The following BAG5 variants were observed in gnomAD, a reference collection of about 807,000 sequenced individuals.
BAG5 encodes the protein BAG family molecular chaperone regulator 5.
BAG5 carries 25 observed loss-of-function variants against 31.8 expected under a neutral mutation model. The ratio of observed to expected loss-of-function variants is 0.79; its 90% CI spans 0.57 to 1.10. BAG5 has a LOEUF of 1.10. Ranked by LOEUF, BAG5 falls within the 50% of genes least tolerant of loss-of-function variation. The probability of loss-of-function intolerance (pLI) is 0.00; values close to 1 mark genes in which losing one functional copy is unlikely to be tolerated. For missense variants in BAG5, 491 were observed against 527.9 expected, an observed-to-expected ratio of 0.93 and a Z score of 0.68; for synonymous variants, 208 against 205.0, an observed-to-expected ratio of 1.01 and a Z score of -0.13.
intron 1 of BAG5, chr14:103,562,211 C>G (rs1420933942): frequency 1.7e-6 from 1 of 585,728 alleles, no homozygotes; most frequent in East Asian, 2.9e-5. Context: ...CAGCTGCATG[C>G]CTCGCACCCC....
At chr14:103,561,268 T>G in intron 1 of BAG5, 76 bp from the exon 2 acceptor site, 1 of 1,431,460 alleles carries the variant, frequency 7.0e-7, no homozygotes. Context: ...TAAGTCATTC[T>G]AAAATTCTCA....
At chr14:103,562,240 G>C (rs1017227525) in intron 1 of BAG5, 6 of 531,814 alleles carry the variant, frequency 1.1e-5, no homozygotes, top group African/African-American at 3.8e-5. Context: ...AGGTCTGAGC[G>C]GGGCAGCCGG....
chr14:103,561,690 C>T (rs1267229420), intron 1 of BAG5: 5 of 542,838 alleles, frequency 9.2e-6, no homozygotes, highest in African/African-American at 1.9e-5. Context: ...CCTTTGTGCA[C>T]TTCCCCTCCC....
Position 103,560,703 on chromosome 14 carries a change from GGTTAAA to G in BAG5, c.456_461del (p.Leu153_Thr154del). On this transcript the variant is annotated inframe_deletion, in exon 2 of 2. Transcript: ENST00000299204. ...TTATCTCTTGCACCGCACAGATTTTGGTTAAAGTGTGATACCTTGCTTTCCGCAAGG... is the reference window on the plus strand; with the variant it reads ...TTATCTCTTGCACCGCACAGATTTTGGTGTGATACCTTGCTTTCCGCAAGG... 6.2e-7 allele frequency: 1 copy of G among 1,614,076 alleles called. No individual in the cohort carries two copies. The highest frequency in any genetic ancestry group is 8.5e-7 in the Non-Finnish European group (1 of 1,180,026).
intron 1 of BAG5, chr14:103,562,124 G>C: frequency 2.8e-6 from 2 of 715,532 alleles, no homozygotes; most frequent in Non-Finnish European, 5.0e-6. Context: ...AATTGGATGC[G>C]GTCTTGGCGT....
At position 103,560,499 on chromosome 14, in the gene BAG5, C is replaced by G. The variant is rs1044569278; in HGVS notation, c.666G>C (p.Gly222=). 2.0e-5 allele frequency: 33 copies of G among 1,614,106 alleles called. No individual in the cohort carries two copies. The highest frequency in any genetic ancestry group is 2.7e-5 in the Non-Finnish European group (32 of 1,180,032). ...CTAGAGCATCCAGGTCAGCGATCAG[C>G]CCCGAGAGCACACAGGATAAGTGCC... ...TCRHLSCVLS[G]LIADLDALDV... Residue 222 remains glycine, a synonymous_variant, in exon 2 of 2, where the codon GGG becomes GGC. Transcript: ENST00000299204.
At chr14:103,561,215 A>T (rs749052594) in intron 1 of BAG5, 23 bp from the exon 2 acceptor site, 7 of 1,565,826 alleles carry the variant, frequency 4.5e-6, no homozygotes, top group Non-Finnish European at 6.0e-6. Flanking sequence ...AAGAATGATA[A>T]CTTACTACAG....
chr14:103,556,795 CAAAA>C lies in BAG5; in HGVS notation c.*3022_*3025del, dbSNP rs201306760. ...AAATTAAAAGGTGAAAAGCTGTGCT[CAAAA>C]AAAAAATAAAAAAACCCAAAACCTT... On this transcript the variant is annotated 3_prime_UTR_variant, in exon 2 of 2. Coordinates refer to ENST00000299204, the MANE Select transcript of BAG5 (RefSeq NM_001015048.3). The C allele has an allele frequency of 6.8e-6, 1 of 146,686 alleles. No individual in the cohort carries two copies. The highest frequency in any genetic ancestry group is 2.5e-5 in the African/African-American group (1 of 40,006). The allele number at this position is 146,686 out of a possible 1,614,324, so 9.1% of individuals were successfully genotyped here. A position where few individuals can be genotyped will look rare whatever the true frequency, so the allele number is the denominator to read the frequency against.
At chr14:103,561,930 C>A in intron 1 of BAG5, 1 of 1,612,886 alleles carries the variant, frequency 6.2e-7, no homozygotes, top group Non-Finnish European at 8.5e-7. Context: ...TGGGAGTCCA[C>A]AATGGCCTAA....
rs555250067 is a variant in BAG5 at position 103,562,594 on chromosome 14, C to G, written c.-29+22G>C. The G allele has an allele frequency of 5.7e-3, 973 of 169,934 alleles. 10 individuals are homozygous for G. Among genetic ancestry groups the G allele is most frequent in the African/African-American group, 0.022 (932 of 42,324 alleles). 10.5% of individuals were successfully genotyped at this position (169,934 alleles called of 1,614,324 possible). The stretch of plus-strand genomic sequence containing the variant: ...TCGTCCCCCCGAGAGAGGGAAAAGG[C>G]TACAAGCCGCGCTTCGCTCACCTGT... On this transcript the variant is annotated intron_variant, in intron 1 of 1. Transcript: ENST00000299204.
chr14:103,561,991 A>T, intron 1 of BAG5: 1 of 1,613,530 alleles, frequency 6.2e-7, no homozygotes, highest in Non-Finnish European at 8.5e-7. Context: ...CAAGGTGGGT[A>T]ACCAATGGAA....
At chr14:103,561,859 C>CAAAA in intron 1 of BAG5, 1 of 1,321,644 alleles carries the variant, frequency 7.6e-7, no homozygotes, top group Non-Finnish European at 1.1e-6. Flanking sequence ...TCCACTCTCT[C>CAAAA]AAAAAAAAAC....
In BAG5 at chr14:103,562,606, C is replaced by A. The variant is rs1179980773; in HGVS notation, c.-29+10G>T. The A allele has an allele frequency of 5.7e-6, 1 of 175,984 alleles. No homozygotes were observed. The highest frequency in any genetic ancestry group is 1.2e-5 in the Non-Finnish European group (1 of 83,912). The allele number at this position is 175,984 out of a possible 1,614,324, so 10.9% of individuals were successfully genotyped here. On this transcript the variant is annotated intron_variant, in intron 1 of 1. Coordinates refer to ENST00000299204, the MANE Select transcript of BAG5 (RefSeq NM_001015048.3). Reference sequence around the variant, plus strand: ...GAGAGGGAAAAGGCTACAAGCCGCGCTTCGCTCACCTGTCCCGCCCGCGCC... The same window carrying A: ...GAGAGGGAAAAGGCTACAAGCCGCGATTCGCTCACCTGTCCCGCCCGCGCC...
chr14:103,561,476 C>A (rs905134952), intron 1 of BAG5, among the ~76,000 whole-genome samples: 4 of 152,100 alleles, frequency 2.6e-5, no homozygotes, highest in South Asian at 4.1e-4. Flanking sequence ...TCACCGTACG[C>A]GACACAAACT....
At chr14:103,561,417 G>T (rs1041132654) in intron 1 of BAG5, among the ~76,000 whole-genome samples, 2 of 152,128 alleles carry the variant, frequency 1.3e-5, no homozygotes, top group Non-Finnish European at 2.9e-5. Context: ...GCTGGTCTCA[G>T]ACGATCCGCC....
chr14:103,557,678 A>C lies in BAG5; in HGVS notation c.*2143T>G, dbSNP rs936380133. The stretch of plus-strand genomic sequence containing the variant: ...GTAACCATGATTTCCCAGTGGTATA[A>C]TTAAACAGAGCTCTAATTTAAAAAC... On this transcript the variant is annotated 3_prime_UTR_variant, in exon 2 of 2. Coordinates refer to ENST00000299204, the MANE Select transcript of BAG5 (RefSeq NM_001015048.3). 2.0e-5 allele frequency: 3 copies of C among 152,194 alleles called. No homozygotes were observed. The highest frequency in any genetic ancestry group is 7.2e-5 in the African/African-American group (3 of 41,434). 9.4% of individuals were successfully genotyped at this position (152,194 alleles called of 1,614,324 possible).
intron 1 of BAG5, chr14:103,561,956 C>T: frequency 6.2e-7 from 1 of 1,613,962 alleles, no homozygotes; most frequent in Non-Finnish European, 8.5e-7. Flanking sequence ...GTTTCAAGCT[C>T]TTGGTTTCTA....
intron 1 of BAG5, chr14:103,561,868 A>AT: frequency 1.4e-6 from 2 of 1,477,328 alleles, no homozygotes; most frequent in Middle Eastern, 1.7e-4. Context: ...TCAAAAAAAA[A>AT]CAACCCGCGA....
chr14:103,558,015 TCCTCAAGATTTTAAGAGCATTCTA>T lies in BAG5; in HGVS notation c.*1782_*1805del, dbSNP rs1366560562. 6.6e-6 allele frequency: 1 copy of T among 152,020 alleles called. No individual in the cohort carries two copies. The highest frequency in any genetic ancestry group is 1.5e-5 in the Non-Finnish European group (1 of 68,002). The allele number at this position is 152,020 out of a possible 1,614,324, so 9.4% of individuals were successfully genotyped here. A position where few individuals can be genotyped will look rare whatever the true frequency, so the allele number is the denominator to read the frequency against. On this transcript the variant is annotated 3_prime_UTR_variant, in exon 2 of 2. Transcript: ENST00000299204. ...AAAATAAATAAAAAATAAAAACTCT[TCCTCAAGATTTTAAGAGCATTCTA>T]AAATTATGATACAGAAAAGCAATCC...
Sources: gnomAD v4.1 joint callset for allele counts (sites outside exome capture counted in the v4.1 genomes callset) on GRCh38, gnomAD v4.1.1 for gene constraint, MANE v1.5 for transcripts, NCBI Gene and HGNC (gene_info 2026-07-23, HGNC 2026-07-21) for gene names.